The following FER1L6 variants were observed in gnomAD, a reference collection of about 807,000 sequenced individuals.
FER1L6 encodes the protein fer-1-like protein 6.
A neutral mutation model predicts 219.2 loss-of-function variants in FER1L6; 177 were observed. That is an observed-to-expected ratio of 0.81 (90% CI 0.71 to 0.91). FER1L6 has a LOEUF of 0.91. FER1L6 is among the 40% of genes least tolerant of loss of function. The pLI, the probability that FER1L6 is intolerant of heterozygous loss-of-function variation, is 0.00. For missense variants in FER1L6, 2,153 were observed against 2,259.9 expected, an observed-to-expected ratio of 0.95 and a Z score of 0.96; for synonymous variants, 768 against 824.3, an observed-to-expected ratio of 0.93 and a Z score of 1.17.
At chr8:124,026,117 C>A (rs1818697037) in intron 18 of FER1L6, among the ~76,000 whole-genome samples, 1 of 152,146 alleles carries the variant, frequency 6.6e-6, no homozygotes, top group Admixed American at 6.5e-5. Context: ...TGGACAGATT[C>A]TACTGTCTCT....
rs746173939 is a variant in FER1L6, at chr8:124,061,851, G to A, written c.3148-1G>A. ...TTCTTCATCTCATCCTCTCTCTGCA[G>A]GAACTGCCTGAGAACGAGCTTCTGC... On this transcript the variant is annotated splice_acceptor_variant, in intron 24 of 40. Transcript: ENST00000522917. LOFTEE classifies it high-confidence loss of function. The A allele has an allele frequency of 1.2e-4, 201 of 1,613,172 alleles. No homozygotes were observed. Among genetic ancestry groups the A allele is most frequent in the Middle Eastern group, 7.3e-4 (4 of 5,472 alleles).
At chr8:124,073,057 C>CA (rs951649845) in intron 31 of FER1L6, among the ~76,000 whole-genome samples, 5 of 37,370 alleles carry the variant, frequency 1.3e-4, no homozygotes, top group Non-Finnish European at 2.2e-4. Context: ...TGCCTCATAC[C>CA]TTTTTTCCCC....
At chr8:123,951,601 TA>T (rs1814771923) in intron 1 of FER1L6, among the ~76,000 whole-genome samples, 1 of 152,232 alleles carries the variant, frequency 6.6e-6, no homozygotes, top group African/African-American at 2.4e-5. Context: ...CAAAGGCTTT[TA>T]AGATAACCTT....
intron 15 of FER1L6, among the ~76,000 whole-genome samples, chr8:124,015,395 G>A (rs1409216646): frequency 6.6e-6 from 1 of 151,652 alleles, no homozygotes; most frequent in East Asian, 1.9e-4. Flanking sequence ...TTGTCATAAT[G>A]GAACTAATGG....
At chr8:123,933,431 T>C (rs1383807858) in intron 1 of FER1L6, among the ~76,000 whole-genome samples, 2 of 151,834 alleles carry the variant, frequency 1.3e-5, no homozygotes, top group Non-Finnish European at 2.9e-5. Flanking sequence ...CACTAGCCTA[T>C]AAGCTGCCAG....
intron 1 of FER1L6, among the ~76,000 whole-genome samples, chr8:123,903,678 T>C (rs1396544744): frequency 1.3e-5 from 2 of 152,066 alleles, no homozygotes; most frequent in Non-Finnish European, 2.9e-5. Flanking sequence ...ATCAGCACAA[T>C]GTCAGGCATA....
intron 15 of FER1L6, chr8:124,014,604 A>C (rs1357559566): frequency 6.6e-6 from 1 of 152,526 alleles, no homozygotes; most frequent in East Asian, 1.9e-4. Context: ...CCTGGTTCTG[A>C]GTCTTATTTC....
intron 18 of FER1L6, among the ~76,000 whole-genome samples, chr8:124,033,060 G>C (rs183450697): frequency 1.1e-3 from 174 of 152,332 alleles, no homozygotes; most frequent in African/African-American, 4.1e-3. Flanking sequence ...GCAGGCAATA[G>C]AACATTCTGT....
chr8:123,930,475 C>G (rs1407702265), intron 1 of FER1L6, among the ~76,000 whole-genome samples: 1 of 152,102 alleles, frequency 6.6e-6, no homozygotes, highest in Non-Finnish European at 1.5e-5. Context: ...ATTTGGAGGG[C>G]AGAGGAAGGA....
At chr8:124,018,208 C>T (rs761113220) in intron 16 of FER1L6, among the ~76,000 whole-genome samples, 2 of 152,166 alleles carry the variant, frequency 1.3e-5, no homozygotes, top group Non-Finnish European at 2.9e-5. Flanking sequence ...TGACTGGTGA[C>T]TAGAATTGCC....
intron 19 of FER1L6, among the ~76,000 whole-genome samples, chr8:124,039,543 T>C (rs934575598): frequency 2.5e-4 from 38 of 152,202 alleles, no homozygotes; most frequent in Non-Finnish European, 3.8e-4. Context: ...ATGGGTTAAT[T>C]GTGCAAACTT....
chr8:124,046,051 A>C, intron 21 of FER1L6, 150 bp downstream of exon 21: 1 of 812,696 alleles, frequency 1.2e-6, no homozygotes. Flanking sequence ...CTCTGAAAAC[A>C]GTTCACAGAA....
In FER1L6 at chr8:124,094,925, G is replaced by C; in HGVS notation, c.4582G>C (p.Ala1528Pro). ...DETVESYEHL[A>P]LKVLHSWEDI... ...GACAGTGGAGTCTTATGAACACCTG[G>C]CCCTCAAGGTTTTACACTCTTGGGA... Residue 1528 changes from alanine to proline, a missense_variant, in exon 35 of 41, where the codon GCC (alanine) becomes CCC (proline). Ala to Pro is a conservative substitution (Grantham distance 27). Transcript: ENST00000522917. 1 of 1,614,064 alleles carries C rather than the reference G, an allele frequency of 6.2e-7. No homozygotes were observed. The highest frequency in any genetic ancestry group is 8.5e-7 in the Non-Finnish European group (1 of 1,179,938).
chr8:124,070,317 C>G (rs1266832942), intron 29 of FER1L6, 150 bp from the exon 30 acceptor site: 1 of 757,172 alleles, frequency 1.3e-6, no homozygotes, highest in East Asian at 2.8e-5. Flanking sequence ...AATCCACGTT[C>G]CTTATCTCAC....
At position 123,861,251 on chromosome 8, in the gene FER1L6, T is replaced by C. The variant is rs1225970418; in HGVS notation, c.-8+9066T>C. Among the ~76,000 whole-genome samples the C allele has an allele frequency of 1.4e-3, 165 of 118,334 alleles. 1 individual carries two copies. The highest frequency in any genetic ancestry group is 5.4e-3 in the African/African-American group (150 of 27,616). 77.6% of individuals were successfully genotyped at this position (118,334 alleles called of 152,430 possible). A position where few individuals can be genotyped will look rare whatever the true frequency, so the allele number is the denominator to read the frequency against. On this transcript the variant is annotated intron_variant, in intron 1 of 40. Coordinates refer to ENST00000522917, the MANE Select transcript of FER1L6 (RefSeq NM_001039112.2). ...TATTAAATAGGGAATCCTTTCCCCA[T>C]TGCTTGTTTTTCTCAGGTTTGTCAA...
chr8:124,021,434 C>T (rs1053960582), intron 16 of FER1L6, 116 bp from the exon 17 acceptor site: 3 of 1,415,072 alleles, frequency 2.1e-6, no homozygotes, highest in Non-Finnish European at 2.9e-6. Context: ...CTGGAACAGT[C>T]CACGTGAGTG....
chr8:123,976,760 C>T (rs983759553), intron 9 of FER1L6, among the ~76,000 whole-genome samples: 1 of 152,188 alleles, frequency 6.6e-6, no homozygotes, highest in African/African-American at 2.4e-5. Flanking sequence ...CTTAGAATTT[C>T]CATCCACCTC....
At chr8:124,021,328 C>T (rs1339192602) in intron 16 of FER1L6, among the ~76,000 whole-genome samples, 1 of 152,100 alleles carries the variant, frequency 6.6e-6, no homozygotes, top group African/African-American at 2.4e-5. Context: ...TTCTGGGCTT[C>T]AGCTTCTCAT....
intron 39 of FER1L6, among the ~76,000 whole-genome samples, chr8:124,117,109 A>G (rs1301199534): frequency 6.6e-6 from 1 of 152,246 alleles, no homozygotes; most frequent in East Asian, 1.9e-4. Context: ...GTTGGGAGGC[A>G]GCCTGCTATA....
Sources: gnomAD v4.1 joint callset for allele counts (sites outside exome capture counted in the v4.1 genomes callset) on GRCh38, gnomAD v4.1.1 for gene constraint, MANE v1.5 for transcripts, NCBI Gene and HGNC (gene_info 2026-07-23, HGNC 2026-07-21) for gene names.